The following PIP5K1B variants were observed in gnomAD, a reference collection of about 807,000 sequenced individuals.
PIP5K1B encodes the protein phosphatidylinositol 4-phosphate 5-kinase type-1 beta.
PIP5K1B carries 42 observed loss-of-function variants against 67.0 expected under a neutral mutation model. The observed-to-expected ratio is 0.63, with a 90% CI of 0.49 to 0.81. The LOEUF (loss-of-function observed/expected upper bound fraction) is 0.81. Among genes scored for constraint, PIP5K1B ranks in the 30% least tolerant of loss-of-function variants. The probability of loss-of-function intolerance (pLI) is 0.00; values close to 1 mark genes in which losing one functional copy is unlikely to be tolerated. For synonymous variants in PIP5K1B, 214 were observed against 231.4 expected, an observed-to-expected ratio of 0.92 and a Z score of 0.68; for missense variants, 459 against 646.3, an observed-to-expected ratio of 0.71 and a Z score of 3.14.
At chr9:68,842,734 T>C (rs966107673) in intron 4 of PIP5K1B, among the ~76,000 whole-genome samples, 2 of 152,226 alleles carry the variant, frequency 1.3e-5, no homozygotes, top group Non-Finnish European at 2.9e-5. Flanking sequence ...AGACCGGGGA[T>C]GCTGCTGAAC....
At chr9:68,714,214 C>T (rs1827527344) in intron 1 of PIP5K1B, among the ~76,000 whole-genome samples, 1 of 152,166 alleles carries the variant, frequency 6.6e-6, no homozygotes, top group African/African-American at 2.4e-5. Context: ...ATGTTCAAAA[C>T]CAGAATCATG....
intron 4 of PIP5K1B, among the ~76,000 whole-genome samples, chr9:68,832,524 A>G (rs1834374113): frequency 6.6e-6 from 1 of 152,204 alleles, no homozygotes; most frequent in African/African-American, 2.4e-5. Context: ...TTATTATGCC[A>G]GAGAAAGGAA....
intron 8 of PIP5K1B, among the ~76,000 whole-genome samples, chr9:68,911,825 G>A (rs1825869635): frequency 6.6e-6 from 1 of 152,156 alleles, no homozygotes; most frequent in African/African-American, 2.4e-5. Context: ...CAAGGCTGCA[G>A]TGAGTCATGT....
At position 69,000,958 on chromosome 9, in the gene PIP5K1B, C is replaced by T. The variant is rs530330989; in HGVS notation, c.1621-7489C>T. 1.5e-4 allele frequency among the ~76,000 whole-genome samples: 23 copies of T among 150,716 alleles called. 1 individual carries two copies. Among genetic ancestry groups the T allele is most frequent in the East Asian group, 7.8e-4 (4 of 5,126 alleles). ...TGTCACCCAGGCTGGAGTGCAGTGG[C>T]GCAATCCTGGCTCACTGCAACCTCC... On this transcript the variant is annotated intron_variant, in intron 15 of 15. Coordinates refer to ENST00000265382, the MANE Select transcript of PIP5K1B (RefSeq NM_003558.4).
intron 5 of PIP5K1B, among the ~76,000 whole-genome samples, chr9:68,875,638 C>T (rs1823855443): frequency 6.6e-6 from 1 of 152,128 alleles, no homozygotes; most frequent in Admixed American, 6.6e-5. Context: ...AAGCCTTTGT[C>T]ATTTGCCCAG....
At chr9:68,960,492 G>GT (rs1190732643) in intron 14 of PIP5K1B, among the ~76,000 whole-genome samples, 1 of 151,878 alleles carries the variant, frequency 6.6e-6, no homozygotes, top group Non-Finnish European at 1.5e-5. Flanking sequence ...CATTGCCTCT[G>GT]TTTTTTCTTT....
intron 15 of PIP5K1B, among the ~76,000 whole-genome samples, chr9:68,993,497 C>G (rs1830469806): frequency 6.6e-6 from 1 of 152,066 alleles, no homozygotes; most frequent in Non-Finnish European, 1.5e-5. Flanking sequence ...TCTGAATATC[C>G]TAGTTTTTGC....
intron 4 of PIP5K1B, among the ~76,000 whole-genome samples, chr9:68,840,237 C>T (rs1279444609): frequency 6.6e-6 from 1 of 152,086 alleles, no homozygotes; most frequent in Non-Finnish European, 1.5e-5. Flanking sequence ...ATTAGCCGGG[C>T]ATGGTGGCGC....
intron 14 of PIP5K1B, among the ~76,000 whole-genome samples, chr9:68,967,412 T>C (rs1195405967): frequency 6.6e-6 from 1 of 152,144 alleles, no homozygotes; most frequent in Non-Finnish European, 1.5e-5. Context: ...ATGTAACAAC[T>C]CTGTGGAAAT....
At position 68,795,830 on chromosome 9, in the gene PIP5K1B, ACAGT is replaced by A. The variant is rs1337101592; in HGVS notation, c.-85-22628_-85-22625del. Among the ~76,000 whole-genome samples the A allele has an allele frequency of 4.6e-5, 7 of 152,296 alleles. No individual in the cohort carries two copies. In the East Asian group the frequency reaches 7.7e-4, roughly 17 times the overall value. ...TTCAGAAATCTGCTTTAATTTTAACACAGTCAATCAACCTTGTTCTATAATTAGG... is the reference window on the plus strand; with the variant it reads ...TTCAGAAATCTGCTTTAATTTTAACACAATCAACCTTGTTCTATAATTAGG... On this transcript the variant is annotated intron_variant, in intron 2 of 15. Coordinates refer to ENST00000265382, the MANE Select transcript of PIP5K1B (RefSeq NM_003558.4).
rs986439662 is a variant in PIP5K1B at position 69,008,504 on chromosome 9, G to C, written c.*55G>C. 15 of 1,584,084 alleles carry C rather than the reference G, an allele frequency of 9.5e-6. No individual in the cohort carries two copies. In the African/African-American group the frequency reaches 1.6e-4, roughly 17 times the overall value. ...ATGAGACGTGAGCACAGTTATGGCAGAGAAGTTTCTCCGCACCAGAATTAT... is the reference window on the plus strand; with the variant it reads ...ATGAGACGTGAGCACAGTTATGGCACAGAAGTTTCTCCGCACCAGAATTAT... On this transcript the variant is annotated 3_prime_UTR_variant, in exon 16 of 16. Transcript: ENST00000265382.
intron 15 of PIP5K1B, among the ~76,000 whole-genome samples, chr9:69,003,603 TA>T (rs1396366514): frequency 6.6e-6 from 1 of 152,098 alleles, no homozygotes; most frequent in African/African-American, 2.4e-5. Context: ...AGCACTGCCC[TA>T]AAACTCCCTC....
intron 14 of PIP5K1B, among the ~76,000 whole-genome samples, chr9:68,964,750 C>T (rs1828932521): frequency 6.6e-6 from 1 of 152,178 alleles, no homozygotes; most frequent in Non-Finnish European, 1.5e-5. Context: ...GGAAGACTAC[C>T]GTAGAGGGGA....
intron 4 of PIP5K1B, among the ~76,000 whole-genome samples, chr9:68,833,564 C>A (rs1459006089): frequency 1.3e-5 from 2 of 151,002 alleles, no homozygotes; most frequent in East Asian, 3.9e-4. Context: ...GGACACTGCC[C>A]CCCCACCCCC....
intron 15 of PIP5K1B, among the ~76,000 whole-genome samples, chr9:69,005,271 A>G: frequency 6.6e-6 from 1 of 152,204 alleles, no homozygotes; most frequent in East Asian, 1.9e-4. Context: ...AATTTAACCA[A>G]TTTTATGAGA....
chr9:68,992,989 T>A (rs1032905780), intron 15 of PIP5K1B, among the ~76,000 whole-genome samples: 1 of 151,866 alleles, frequency 6.6e-6, no homozygotes, highest in Non-Finnish European at 1.5e-5. Flanking sequence ...AAACCCCATC[T>A]GTACTAAAAA....
intron 14 of PIP5K1B, among the ~76,000 whole-genome samples, chr9:68,975,588 A>T (rs1829598724): frequency 1.3e-5 from 2 of 152,156 alleles, no homozygotes; most frequent in Non-Finnish European, 2.9e-5. Flanking sequence ...CATTTATACC[A>T]CCAGTATTAG....
chr9:68,991,476 GTATAA>G (rs781341763), intron 15 of PIP5K1B, among the ~76,000 whole-genome samples: 3 of 152,278 alleles, frequency 2.0e-5, no homozygotes, highest in Non-Finnish European at 4.4e-5. Context: ...AAATCACCAC[GTATAA>G]CAAGAGAACG....
rs563499963 is a variant in PIP5K1B at position 68,765,595 on chromosome 9, C to T, written c.-86+22938C>T. ...AAATAGGACCTAAGATTTTAAGAAA[C>T]AAATATAATTTATTATGGCTATTTT... On this transcript the variant is annotated intron_variant, in intron 2 of 15. Coordinates refer to ENST00000265382, the MANE Select transcript of PIP5K1B (RefSeq NM_003558.4). Among the ~76,000 whole-genome samples, 37 of 152,096 alleles carry T rather than the reference C, an allele frequency of 2.4e-4. No homozygotes were observed. The South Asian group carries it at 7.5e-3, about 31-fold the overall frequency.
Sources: gnomAD v4.1 joint callset for allele counts (sites outside exome capture counted in the v4.1 genomes callset) on GRCh38, gnomAD v4.1.1 for gene constraint, MANE v1.5 for transcripts, NCBI Gene and HGNC (gene_info 2026-07-23, HGNC 2026-07-21) for gene names.